Variants in ALDH1A1 observed in about 807,000 individuals in gnomAD.
ALDH1A1 encodes the protein aldehyde dehydrogenase 1A1.
In ALDH1A1, 19 loss-of-function variants were observed where a neutral mutation model predicts 62.1. The observed-to-expected ratio is 0.31, with a 90% confidence interval of 0.21 to 0.45. The LOEUF (loss-of-function observed/expected upper bound fraction) is 0.45, where lower values mean the gene tolerates loss of function less well. Ranked by LOEUF, ALDH1A1 falls within the 20% of genes least tolerant of loss-of-function variation. ALDH1A1 has a pLI of 1.00. For missense variants in ALDH1A1, 521 were observed against 607.1 expected (o/e 0.86, Z 1.49); for synonymous variants, 231 against 215.9 (o/e 1.07, Z -0.61).
chr9:72,925,475 G>A lies in ALDH1A1; in HGVS notation c.633+9C>T, dbSNP rs1830193360. ...GTTCTTGAGCATATTTTGATTTCGG[G>A]AGACTTACCTCTTTTATTAAAGATG... On this transcript the variant is annotated intron_variant, in intron 6 of 12. Coordinates refer to ENST00000297785, the MANE Select transcript of ALDH1A1 (RefSeq NM_000689.5). 1 of 1,610,784 alleles carries A rather than the reference G, an allele frequency of 6.2e-7. No individual in the cohort carries two copies. Among genetic ancestry groups the A allele is most frequent in the Non-Finnish European group, 8.5e-7 (1 of 1,179,044 alleles).
chr9:72,932,929 A>C (rs1240952442), intron 2 of ALDH1A1, among the ~76,000 whole-genome samples: 1 of 152,222 alleles, frequency 6.6e-6, no homozygotes, highest in Non-Finnish European at 1.5e-5. Context: ...ATGGGCTATC[A>C]TAGGGATCTT....
At chr9:72,940,787 T>G (rs1830406027) in intron 1 of ALDH1A1, among the ~76,000 whole-genome samples, 1 of 152,200 alleles carries the variant, frequency 6.6e-6, no homozygotes, top group African/African-American at 2.4e-5. Flanking sequence ...GCATATGGTT[T>G]TATTCTCCTT....
At chr9:72,939,614 C>A (rs960812111) in intron 2 of ALDH1A1, among the ~76,000 whole-genome samples, 1 of 150,532 alleles carries the variant, frequency 6.6e-6, no homozygotes, top group African/African-American at 2.4e-5. Flanking sequence ...GCCTCACGGG[C>A]TAAAGCAATT....
chr9:72,919,898 T>C (rs1366516373), intron 7 of ALDH1A1, among the ~76,000 whole-genome samples: 1 of 152,224 alleles, frequency 6.6e-6, no homozygotes, highest in Non-Finnish European at 1.5e-5. Context: ...GTGGATCACT[T>C]CCCATCAAGA....
At position 72,942,174 on chromosome 9, in the gene ALDH1A1, T is replaced by C. The variant is rs1830422511; in HGVS notation, c.67-1922A>G. The C allele has an allele frequency of 5.8e-6, 3 of 514,034 alleles. 1 individual carries two copies. In the Admixed American group the frequency reaches 1.9e-4, roughly 33 times the overall value. The allele number at this position is 514,034 out of a possible 1,614,324, so 31.8% of individuals were successfully genotyped here. Reference sequence around the variant, plus strand: ...AATGTCTCTTAGAGTGAATCAACACTCTAGCTATCAGAAATACATTTTACA... The same window carrying C: ...AATGTCTCTTAGAGTGAATCAACACCCTAGCTATCAGAAATACATTTTACA... On this transcript the variant is annotated intron_variant, in intron 1 of 12. Coordinates refer to ENST00000297785, the MANE Select transcript of ALDH1A1 (RefSeq NM_000689.5).
Position 72,929,655 on chromosome 9 carries a change from C to T in ALDH1A1, c.313-634G>A, listed in dbSNP as rs1326336718. 2.6e-5 allele frequency among the ~76,000 whole-genome samples: 4 copies of T among 152,132 alleles called. No individual in the cohort carries two copies. In the East Asian group the frequency reaches 5.8e-4, roughly 22 times the overall value. ...TAACCATTATAAGATGACCTATCTC[C>T]CCTTTGGCTTCTCTTCTTAAGCAGG... On this transcript the variant is annotated intron_variant, in intron 3 of 12. Transcript: ENST00000297785.
At chr9:72,935,249 G>A (rs1830334085) in intron 2 of ALDH1A1, among the ~76,000 whole-genome samples, 1 of 151,986 alleles carries the variant, frequency 6.6e-6, no homozygotes, top group South Asian at 2.1e-4. Flanking sequence ...GAATTTTCAG[G>A]GATATAATTT....
intron 1 of ALDH1A1, among the ~76,000 whole-genome samples, chr9:72,944,268 T>C (rs1160023629): frequency 6.6e-6 from 1 of 152,070 alleles, no homozygotes; most frequent in Non-Finnish European, 1.5e-5. Context: ...TATCATAAGG[T>C]CACAGGCTTT....
chr9:72,950,014 A>AGTGACAGAAAAGC, intron 1 of ALDH1A1, among the ~76,000 whole-genome samples: 1 of 151,750 alleles, frequency 6.6e-6, no homozygotes, highest in African/African-American at 2.4e-5. Flanking sequence ...TACAAAAAAG[A>AGTGACAGAAAAGC]GTGACAGAAA....
chr9:72,927,058 T>C (rs1830220858), intron 5 of ALDH1A1, 58 bp downstream of exon 5: 8 of 1,229,832 alleles, frequency 6.5e-6, no homozygotes, highest in Non-Finnish European at 9.3e-6. Flanking sequence ...GCTTCATCAT[T>C]AGATAGAATA....
intron 2 of ALDH1A1, among the ~76,000 whole-genome samples, chr9:72,934,288 A>G (rs1309113718): frequency 6.6e-6 from 1 of 152,112 alleles, no homozygotes; most frequent in African/African-American, 2.4e-5. Flanking sequence ...GCTCTGAACA[A>G]TTTTAGGCCC....
intron 1 of ALDH1A1, among the ~76,000 whole-genome samples, chr9:72,950,808 C>T (rs1247923362): frequency 6.6e-6 from 1 of 151,792 alleles, no homozygotes; most frequent in East Asian, 1.9e-4. Context: ...ACACTATAAA[C>T]TCCTTGCTTA....
intron 5 of ALDH1A1, 179 bp downstream of exon 5, chr9:72,926,937 G>A: frequency 2.0e-6 from 1 of 496,176 alleles, no homozygotes; most frequent in East Asian, 3.1e-5. Context: ...TAGGTTTTCG[G>A]ACTACCTAAT....
intron 1 of ALDH1A1, among the ~76,000 whole-genome samples, chr9:72,951,607 A>G (rs1393626359): frequency 2.0e-5 from 3 of 151,940 alleles, no homozygotes; most frequent in African/African-American, 7.2e-5. Flanking sequence ...CCCACTTTCA[A>G]TTGAAATTTC....
At chr9:72,948,014 C>T (rs1046176226) in intron 1 of ALDH1A1, among the ~76,000 whole-genome samples, 2 of 151,868 alleles carry the variant, frequency 1.3e-5, no homozygotes, top group Non-Finnish European at 2.9e-5. Flanking sequence ...TAATAAGTGC[C>T]AGCCACATTC....
intron 7 of ALDH1A1, among the ~76,000 whole-genome samples, chr9:72,920,900 T>C (rs905787852): frequency 1.3e-5 from 2 of 152,242 alleles, no homozygotes; most frequent in Non-Finnish European, 2.9e-5. Flanking sequence ...CAAATGCCCA[T>C]GAAAATGGTC....
intron 6 of ALDH1A1, 45 bp from the exon 7 acceptor site, chr9:72,924,177 C>A: frequency 1.4e-6 from 2 of 1,396,732 alleles, no homozygotes; most frequent in Admixed American, 2.0e-5. Context: ...GAATTTAATT[C>A]AAAAAGGAGG....
chr9:72,922,459 C>A (rs1458382493), intron 7 of ALDH1A1, among the ~76,000 whole-genome samples: 3 of 152,126 alleles, frequency 2.0e-5, no homozygotes, highest in Non-Finnish European at 2.9e-5. Flanking sequence ...CAAACAGTAG[C>A]TCCTGGTCCA....
intron 7 of ALDH1A1, among the ~76,000 whole-genome samples, chr9:72,919,843 T>C (rs1486993965): frequency 1.3e-5 from 2 of 152,214 alleles, no homozygotes; most frequent in Admixed American, 6.5e-5. Flanking sequence ...AATGCTAGTT[T>C]TCCCTTTTCA....
Sources: gnomAD v4.1 joint callset for allele counts (sites outside exome capture counted in the v4.1 genomes callset) on GRCh38, gnomAD v4.1.1 for gene constraint, MANE v1.5 for transcripts, NCBI Gene and HGNC (gene_info 2026-07-23, HGNC 2026-07-21) for gene names.